The following DNAL4 variants were observed in gnomAD, a reference collection of about 807,000 sequenced individuals.
DNAL4 encodes dynein light chain, outer arm 4.
In DNAL4, 10 loss-of-function variants were observed where a neutral mutation model predicts 12.6. That is an observed-to-expected ratio of 0.79 (90% CI 0.49 to 1.34). The LOEUF (loss-of-function observed/expected upper bound fraction) is 1.34, where lower values mean the gene tolerates loss of function less well. DNAL4 is among the 40% of genes most tolerant of loss of function. The pLI is 0.00. For synonymous variants in DNAL4, 46 were observed against 53.1 expected (o/e 0.87, Z 0.58); for missense variants, 128 against 138.1 (o/e 0.93, Z 0.37).
chr22:38,781,288 G>T (rs1027436120), intron 2 of DNAL4, among the ~76,000 whole-genome samples: 14 of 152,270 alleles, frequency 9.2e-5, no homozygotes, highest in Non-Finnish European at 2.1e-4. Flanking sequence ...CCGGCTGAGG[G>T]CGGAGGGAAT....
At chr22:38,783,654 A>G (rs113608548) in intron 1 of DNAL4, among the ~76,000 whole-genome samples, 1 of 152,232 alleles carries the variant, frequency 6.6e-6, no homozygotes, top group Non-Finnish European at 1.5e-5. Flanking sequence ...CTGGCCCAGC[A>G]GCTGGGAGGC....
chr22:38,792,251 C>T (rs1402873601), intron 1 of DNAL4, among the ~76,000 whole-genome samples: 1 of 150,286 alleles, frequency 6.7e-6, no homozygotes, highest in East Asian at 1.9e-4. Context: ...ATTCTATAAG[C>T]TTTTTTCTAC....
chr22:38,781,145 A>G, intron 2 of DNAL4, 136 bp from the exon 3 acceptor site: 1 of 873,420 alleles, frequency 1.1e-6, no homozygotes, highest in Admixed American at 2.6e-5. Context: ...CAGGTGACCC[A>G]TCTCCTGACT....
intron 1 of DNAL4, among the ~76,000 whole-genome samples, chr22:38,788,490 G>A (rs2093045658): frequency 6.6e-6 from 1 of 152,042 alleles, no homozygotes; most frequent in African/African-American, 2.4e-5. Context: ...GGAGAGGAGG[G>A]AGGGAGAGAA....
chr22:38,793,137 T>C (rs1268466851), intron 1 of DNAL4, among the ~76,000 whole-genome samples: 1 of 152,202 alleles, frequency 6.6e-6, no homozygotes, highest in Non-Finnish European at 1.5e-5. Flanking sequence ...AACGTTGTTA[T>C]ATGGTACATG....
Position 38,779,814 on chromosome 22 carries a change from T to C in DNAL4, c.154-201A>G, listed in dbSNP as rs2093031530. On this transcript the variant is annotated intron_variant, in intron 3 of 3. Coordinates refer to ENST00000216068, the MANE Select transcript of DNAL4 (RefSeq NM_005740.3). This position sits in a 1 kb window ranked among gnomAD's most constrained non-coding sequence, Gnocchi z 4.3. Reference sequence around the variant, plus strand: ...GGTCTATTACACAGGCACAGAAAACTAGACATTACTCAGCAGTCAAGAAGA... The same window carrying C: ...GGTCTATTACACAGGCACAGAAAACCAGACATTACTCAGCAGTCAAGAAGA... 6.6e-6 allele frequency among the ~76,000 whole-genome samples: 1 copy of C among 152,006 alleles called. No individual in the cohort carries two copies. Among genetic ancestry groups the C allele is most frequent in the Admixed American group, 6.5e-5 (1 of 15,268 alleles).
intron 1 of DNAL4, among the ~76,000 whole-genome samples, chr22:38,783,746 C>T (rs1569317662): frequency 6.6e-6 from 1 of 152,176 alleles, no homozygotes; most frequent in African/African-American, 2.4e-5. Context: ...TGGGTACAGT[C>T]ACATCCATCT....
rs2093052373 is a variant in DNAL4, at chr22:38,792,479, T to C, written c.-140+1589A>G. Among the ~76,000 whole-genome samples the C allele has an allele frequency of 3.9e-5, 6 of 152,292 alleles. No homozygotes were observed. In the South Asian group the frequency reaches 1.2e-3, roughly 32 times the overall value. On this transcript the variant is annotated intron_variant, in intron 1 of 3. Transcript: ENST00000216068. ...TTGTATTTTTAGTAGGGACAGGTTT[T>C]ACCATGTTGGCCAGGCTAGTCTCAA...
At position 38,782,631 on chromosome 22, in the gene DNAL4, C is replaced by T. The variant is rs750425135; in HGVS notation, c.69+32G>A. The stretch of plus-strand genomic sequence containing the variant: ...TCTCTCCAGGCTGTGTGGGCCCTGC[C>T]GGCAGTCCTGCCTCCCTCCCCTGGG... On this transcript the variant is annotated intron_variant, in intron 2 of 3. Transcript: ENST00000216068. The surrounding 1 kb of genome is among the most constrained non-coding windows in gnomAD (Gnocchi z 5.1). 51 of 1,610,044 alleles carry T rather than the reference C, an allele frequency of 3.2e-5. No homozygotes were observed. The highest frequency in any genetic ancestry group is 9.0e-5 in the East Asian group (4 of 44,612).
chr22:38,782,784 G>A lies in DNAL4; in HGVS notation c.-53C>T, dbSNP rs2093036326. 4 of 1,555,592 alleles carry A rather than the reference G, an allele frequency of 2.6e-6. No homozygotes were observed. The highest frequency in any genetic ancestry group is 3.5e-6 in the Non-Finnish European group (4 of 1,147,908). On this transcript the variant is annotated 5_prime_UTR_variant, in exon 2 of 4. Transcript: ENST00000216068. The surrounding 1 kb of genome is among the most constrained non-coding windows in gnomAD (Gnocchi z 5.1). The stretch of plus-strand genomic sequence containing the variant: ...GAGTGGGGCTTTCAGGAGGTGCTGG[G>A]ACTGGCAGTTAAGACACACCCAGGA...
chr22:38,782,429 A>G lies in DNAL4; in HGVS notation c.69+234T>C, dbSNP rs1415754358. 6.6e-6 allele frequency among the ~76,000 whole-genome samples: 1 copy of G among 152,206 alleles called. No individual in the cohort carries two copies. Among genetic ancestry groups the G allele is most frequent in the Non-Finnish European group, 1.5e-5 (1 of 68,022 alleles). On this transcript the variant is annotated intron_variant, in intron 2 of 3. Transcript: ENST00000216068. This position sits in a 1 kb window ranked among gnomAD's most constrained non-coding sequence, Gnocchi z 5.1. ...CAGGCCTTCGCCTGTCTCGTTTACCATCCCCACAGTGCCTAGAACAGTGCC... is the reference window on the plus strand; with the variant it reads ...CAGGCCTTCGCCTGTCTCGTTTACCGTCCCCACAGTGCCTAGAACAGTGCC...
intron 1 of DNAL4, among the ~76,000 whole-genome samples, chr22:38,790,753 T>C (rs1284894159): frequency 6.6e-6 from 1 of 152,216 alleles, no homozygotes; most frequent in Non-Finnish European, 1.5e-5. Flanking sequence ...TGTAGCCTAC[T>C]ACAGACCTAG....
At chr22:38,792,401 G>C (rs2093052158) in intron 1 of DNAL4, among the ~76,000 whole-genome samples, 1 of 151,892 alleles carries the variant, frequency 6.6e-6, no homozygotes, top group African/African-American at 2.4e-5. Context: ...TCCTGTCTCA[G>C]CCTCCTGAGT....
intron 2 of DNAL4, among the ~76,000 whole-genome samples, chr22:38,781,862 C>A (rs1257651314): frequency 1.3e-5 from 2 of 152,216 alleles, no homozygotes; most frequent in African/African-American, 4.8e-5. Context: ...GTGAGCCGCA[C>A]CCAGCCACCC....
Position 38,779,302 on chromosome 22 carries a change from G to T in DNAL4, c.*147C>A. 1 of 1,061,702 alleles carries T rather than the reference G, an allele frequency of 9.4e-7. No homozygotes were observed. Among genetic ancestry groups the T allele is most frequent in the Admixed American group, 2.9e-5 (1 of 34,290 alleles). The allele number at this position is 1,061,702 out of a possible 1,614,324, so 65.8% of individuals were successfully genotyped here. A position where few individuals can be genotyped will look rare whatever the true frequency, so the allele number is the denominator to read the frequency against. ...GATGGAGATGTCAAGTTCACACACT[G>T]GGCGTGGCTCAGGAAACTGGTACAC... On this transcript the variant is annotated 3_prime_UTR_variant, in exon 4 of 4. Transcript: ENST00000216068. The surrounding 1 kb of genome is among the most constrained non-coding windows in gnomAD (Gnocchi z 4.3).
In DNAL4 at chr22:38,780,943, A is replaced by G. The variant is rs1185286491; in HGVS notation, c.136T>C (p.Phe46Leu). The change falls in exon 3 of 4, where the codon TTC (phenylalanine) becomes CTC (leucine). Residue 46 changes from phenylalanine (F) to leucine (L), a missense_variant. Coordinates refer to ENST00000216068, the MANE Select transcript of DNAL4 (RefSeq NM_005740.3). Reference sequence around the variant, plus strand: ...GGCAATACCTCGTTGTTGTTGGAGAATTTCTCACAGGCTGTGACACATAGC... The same window carrying G: ...GGCAATACCTCGTTGTTGTTGGAGAGTTTCTCACAGGCTGTGACACATAGC... ...MELCVTACEK[F>L]SNNNESAAKM... is the part of the protein sequence containing the mutation. 6.2e-7 allele frequency: 1 copy of G among 1,614,102 alleles called. No individual in the cohort carries two copies. Among genetic ancestry groups the G allele is most frequent in the Non-Finnish European group, 8.5e-7 (1 of 1,180,032 alleles).
intron 1 of DNAL4, among the ~76,000 whole-genome samples, chr22:38,788,991 A>T (rs1342250779): frequency 6.6e-6 from 1 of 152,110 alleles, no homozygotes; most frequent in African/African-American, 2.4e-5. Context: ...AAATTATCCA[A>T]ATTGCAATTA....
chr22:38,779,368 C>A lies in DNAL4; in HGVS notation c.*81G>T. On this transcript the variant is annotated 3_prime_UTR_variant, in exon 4 of 4. Transcript: ENST00000216068. The surrounding 1 kb of genome is among the most constrained non-coding windows in gnomAD (Gnocchi z 4.3). ...AGACCCCAACTCTCCTTGGAAAAAC[C>A]AGGACCTGCCTAGGGCTGCTCCCCA... 1 of 1,451,736 alleles carries A rather than the reference C, an allele frequency of 6.9e-7. No individual in the cohort carries two copies. The highest frequency in any genetic ancestry group is 9.1e-7 in the Non-Finnish European group (1 of 1,096,582). 89.9% of individuals were successfully genotyped at this position (1,451,736 alleles called of 1,614,324 possible).
rs867657500 is a variant in DNAL4, at chr22:38,780,928, CGTT to C, written c.148_150del (p.Asn50del). The C allele has an allele frequency of 1.9e-6, 3 of 1,614,226 alleles. No individual in the cohort carries two copies. Among genetic ancestry groups the C allele is most frequent in the Non-Finnish European group, 2.5e-6 (3 of 1,180,030 alleles). On this transcript the variant is annotated inframe_deletion, in exon 3 of 4. Coordinates refer to ENST00000216068, the MANE Select transcript of DNAL4 (RefSeq NM_005740.3). ...GCCGCCTGCACTGCTGGCAATACCT[CGTT>C]GTTGTTGGAGAATTTCTCACAGGCT...
Sources: allele counts gnomAD v4.1 joint callset (sites outside exome capture counted in the v4.1 genomes callset), GRCh38; gene constraint gnomAD v4.1.1; non-coding constraint Gnocchi (gnomAD v3.1); transcripts MANE v1.5; gene names NCBI Gene and HGNC (gene_info 2026-07-23, HGNC 2026-07-21).